OOEP: variants seen among roughly 807,000 people sequenced by gnomAD.
OOEP encodes the protein oocyte-expressed protein homolog.
OOEP carries 16 observed loss-of-function variants against 13.7 expected under a neutral mutation model. That is an observed-to-expected ratio of 1.16 (90% CI 0.79 to 1.77). OOEP has a LOEUF of 1.77. OOEP is among the 40% of genes most tolerant of loss of function. The pLI, the probability that OOEP is intolerant of heterozygous loss-of-function variation, is 0.00. For missense variants in OOEP, 195 were observed against 193.1 expected, an observed-to-expected ratio of 1.01 and a Z score of -0.06; for synonymous variants, 89 against 77.1, an observed-to-expected ratio of 1.15 and a Z score of -0.81.
chr6:73,384,801 A>G (rs1769247707), intron 2 of OOEP, among the ~76,000 whole-genome samples: 1 of 151,690 alleles, frequency 6.6e-6, no homozygotes. Flanking sequence ...CAGTGGCACA[A>G]TCTCGGCTCA....
intron 2 of OOEP, among the ~76,000 whole-genome samples, chr6:73,380,998 T>C (rs1180010142): frequency 6.6e-6 from 1 of 151,244 alleles, no homozygotes; most frequent in East Asian, 1.9e-4. Flanking sequence ...AAAATAATAA[T>C]AATAAAAAAA....
At chr6:73,381,205 T>TAAAAAAAAAAAAAA (rs66507015) in intron 2 of OOEP, among the ~76,000 whole-genome samples, 4 of 100,998 alleles carry the variant, frequency 4.0e-5, no homozygotes, top group African/African-American at 1.3e-4. Flanking sequence ...AAAAAAGTGT[T>TAAAAAAAAAAAAAA]AAAAAAAAAA....
intron 2 of OOEP, among the ~76,000 whole-genome samples, chr6:73,392,312 C>CT (rs1285923785): frequency 5.9e-5 from 9 of 151,990 alleles, no homozygotes; most frequent in South Asian, 2.1e-4. Context: ...GTTTTTTTAT[C>CT]TTTTTTTTGA....
At chr6:73,376,347 T>TC in intron 2 of OOEP, among the ~76,000 whole-genome samples, 1 of 22,838 alleles carries the variant, frequency 4.4e-5, no homozygotes, top group Non-Finnish European at 1.4e-4. Context: ...AGGGGTTGTT[T>TC]TTTTTTTTTT....
upstream of OOEP, among the ~76,000 whole-genome samples, chr6:73,371,752 AAAAT>A (rs764078235): frequency 0.077 from 9,867 of 128,902 alleles, 797 homozygotes; most frequent in East Asian, 0.44. Context: ...CTCTGTCTCA[AAAAT>A]AAAAAAAAAT....
At chr6:73,370,851 G>A (rs547056005), upstream of OOEP, among the ~76,000 whole-genome samples, 8 of 152,204 alleles carry the variant, frequency 5.3e-5, no homozygotes, top group Admixed American at 4.6e-4. Context: ...GCACGATCTC[G>A]GTTCACTGAA....
At chr6:73,391,634 C>G (rs1039542564) in intron 2 of OOEP, 8 of 154,812 alleles carry the variant, frequency 5.2e-5, no homozygotes, top group Admixed American at 4.6e-4. Context: ...CATAACCCTT[C>G]TATTCTTCAC....
chr6:73,392,513 A>C, intron 2 of OOEP, among the ~76,000 whole-genome samples: 1 of 151,346 alleles, frequency 6.6e-6, no homozygotes, highest in Non-Finnish European at 1.5e-5. Flanking sequence ...CACGTTGGTC[A>C]GGCTGGTCTT....
In OOEP at chr6:73,369,781, A is replaced by C; in HGVS notation, c.12T>G (p.Asp4Glu). 1 of 1,613,320 alleles carries C rather than the reference A, an allele frequency of 6.2e-7. No homozygotes were observed. Among genetic ancestry groups the C allele is most frequent in the African/African-American group, 1.3e-5 (1 of 75,068 alleles). Residue 4 changes from aspartate (D) to glutamate (E), a missense_variant, in exon 1 of 3, where the codon GAT (aspartate) becomes GAG (glutamate). Coordinates refer to ENST00000370359, the MANE Select transcript of OOEP (RefSeq NM_001080507.3). Reference protein sequence around the residue: MVDDAGAAESQRGK... With the variant: MVDEAGAAESQRGK... ...CCCGCTGGGACTCAGCGGCACCAGC[A>C]TCATCGACCATACTGGGACCAGCAG...
At chr6:73,386,954 G>A (rs991513128) in intron 2 of OOEP, among the ~76,000 whole-genome samples, 1 of 104,462 alleles carries the variant, frequency 9.6e-6, no homozygotes, top group Non-Finnish European at 1.7e-5. Flanking sequence ...AGCCACAAGA[G>A]TTAAGGGCAA....
chr6:73,394,660 T>G (rs1300994848), intron 1 of OOEP: 11 of 581,772 alleles, frequency 1.9e-5, no homozygotes, highest in East Asian at 1.2e-4. Context: ...CAAGGCACAC[T>G]CCCACGGTTC....
exon 2 of OOEP, chr6:73,394,487 C>G (rs1769413900): frequency 1.6e-6 from 1 of 643,714 alleles, no homozygotes; most frequent in Non-Finnish European, 2.8e-6. Flanking sequence ...GACACCCCGT[C>G]TCTATTTAAA....
intron 2 of OOEP, 86 bp downstream of exon 2, chr6:73,369,120 G>T: frequency 7.1e-7 from 1 of 1,407,430 alleles, no homozygotes; most frequent in Non-Finnish European, 9.7e-7. Context: ...ATTTTGAGAA[G>T]GTTAAGGGAG....
At chr6:73,385,148 C>CTAACTCA (rs1194237342) in intron 2 of OOEP, among the ~76,000 whole-genome samples, 5 of 151,676 alleles carry the variant, frequency 3.3e-5, no homozygotes, top group African/African-American at 9.7e-5. Context: ...AGATTGAGAC[C>CTAACTCA]ATCCTGGCTA....
At chr6:73,371,781 T>C (rs911908926), upstream of OOEP, among the ~76,000 whole-genome samples, 42 of 150,016 alleles carry the variant, frequency 2.8e-4, no homozygotes, top group African/African-American at 8.3e-4. Flanking sequence ...ATAAAAAAAT[T>C]TGGCCAGTGT....
intron 2 of OOEP, among the ~76,000 whole-genome samples, chr6:73,387,892 AG>A (rs1469871733): frequency 1.3e-5 from 2 of 152,176 alleles, no homozygotes. Flanking sequence ...ATTCTGAGAC[AG>A]GGTCTTGCTC....
chr6:73,380,219 C>G, intron 2 of OOEP, among the ~76,000 whole-genome samples: 1 of 150,620 alleles, frequency 6.6e-6, no homozygotes. Context: ...GGTGTCAAGA[C>G]AGTGGTGATA....
intron 2 of OOEP, among the ~76,000 whole-genome samples, chr6:73,384,605 TGGGA>T: frequency 1.3e-5 from 2 of 152,134 alleles, no homozygotes; most frequent in South Asian, 4.2e-4. Context: ...GAGCCCTAGG[TGGGA>T]GGATCACTTG....
rs200957739 is a variant in OOEP at position 73,369,825 on chromosome 6, G to A, written c.-33C>T. On this transcript the variant is annotated 5_prime_UTR_variant, in exon 1 of 3. Transcript: ENST00000370359. ...CCAGCAGCCGCGGAGCGCGCTCGAG[G>A]CGGCTTTCGCAAGACCTCTTCCAGA... 88 of 1,593,822 alleles carry A rather than the reference G, an allele frequency of 5.5e-5. No homozygotes were observed. In the African/African-American group the frequency reaches 9.6e-4, roughly 17 times the overall value.
Sources: gnomAD v4.1 joint callset for allele counts (sites outside exome capture counted in the v4.1 genomes callset) on GRCh38, gnomAD v4.1.1 for gene constraint, MANE v1.5 for transcripts, NCBI Gene and HGNC (gene_info 2026-07-23, HGNC 2026-07-21) for gene names.